Variants in RIT2 observed in about 807,000 individuals in gnomAD.
The protein encoded by RIT2 is Ras like without CAAX 2, also known as GTP-binding protein Rit2.
A neutral mutation model predicts 23.7 loss-of-function variants in RIT2; 24 were observed. The observed-to-expected ratio is 1.01, with a 90% CI of 0.73 to 1.43. The LOEUF (loss-of-function observed/expected upper bound fraction) is 1.43, where lower values mean the gene tolerates loss of function less well. Ranked by LOEUF, RIT2 falls within the 40% of genes most tolerant of loss-of-function variation. The probability of loss-of-function intolerance (pLI) is 0.00; values close to 1 mark genes in which losing one functional copy is unlikely to be tolerated. For synonymous variants in RIT2, 107 were observed against 91.1 expected (o/e 1.17, Z -0.99); for missense variants, 236 against 266.9 (o/e 0.88, Z 0.81).
At chr18:42,841,042 A>G (rs1906754255) in intron 4 of RIT2, among the ~76,000 whole-genome samples, 1 of 152,216 alleles carries the variant, frequency 6.6e-6, no homozygotes, top group African/African-American at 2.4e-5. Context: ...TAAGCTAGCG[A>G]GCAGGCAGAA....
In RIT2 at chr18:43,052,832, C is replaced by T. The variant is rs542324285; in HGVS notation, c.104-18965G>A. Among the ~76,000 whole-genome samples the T allele has an allele frequency of 2.0e-5, 3 of 152,144 alleles. No homozygotes were observed. In the South Asian group the frequency reaches 6.2e-4, roughly 32 times the overall value. On this transcript the variant is annotated intron_variant, in intron 1 of 4. Coordinates refer to ENST00000326695, the MANE Select transcript of RIT2 (RefSeq NM_002930.4). ...ACATAGGTCTGTGACTTCGAGTAGC[C>T]TATCAAAGCAAGTGCAGAGAAAGTG...
intron 4 of RIT2, among the ~76,000 whole-genome samples, chr18:42,764,841 TA>T (rs1253981336): frequency 6.6e-6 from 1 of 152,242 alleles, no homozygotes; most frequent in Admixed American, 6.5e-5. Context: ...CATAAATAAT[TA>T]AAACAAAAGT....
chr18:43,115,602 CTG>C lies in RIT2; in HGVS notation c.-85_-84del, dbSNP rs1914051401. 1 of 1,522,572 alleles carries C rather than the reference CTG, an allele frequency of 6.6e-7. No homozygotes were observed. The allele number at this position is 1,522,572 out of a possible 1,614,324, so 94.3% of individuals were successfully genotyped here. On this transcript the variant is annotated 5_prime_UTR_variant, in exon 1 of 5. Transcript: ENST00000326695. ...GCTCGAATATTAAGCAACTCTAAAACTGTGTCAAAGCAAAGGTTTTAGTACGA... is the reference window on the plus strand; with the variant it reads ...GCTCGAATATTAAGCAACTCTAAAACTGTCAAAGCAAAGGTTTTAGTACGA...
intron 1 of RIT2, among the ~76,000 whole-genome samples, chr18:43,061,850 T>C (rs946555960): frequency 1.3e-5 from 2 of 152,086 alleles, no homozygotes; most frequent in African/African-American, 4.8e-5. Flanking sequence ...TATTCCTCTT[T>C]GTTTCAGAAC....
intron 3 of RIT2, among the ~76,000 whole-genome samples, chr18:42,939,476 T>A (rs1181384831): frequency 6.6e-6 from 1 of 152,144 alleles, no homozygotes; most frequent in Non-Finnish European, 1.5e-5. Context: ...TTGCCCCTTT[T>A]AATCACCTTT....
chr18:42,753,458 C>A (rs1300560442), intron 4 of RIT2, among the ~76,000 whole-genome samples: 1 of 152,152 alleles, frequency 6.6e-6, no homozygotes, highest in Non-Finnish European at 1.5e-5. Context: ...GCTCTTCCAA[C>A]AGAAGCTTTG....
intron 1 of RIT2, among the ~76,000 whole-genome samples, chr18:43,088,273 A>T (rs1913333165): frequency 6.6e-6 from 1 of 152,194 alleles, no homozygotes; most frequent in South Asian, 2.1e-4. Context: ...CAGTTGCCCA[A>T]CATTTACAAA....
At chr18:42,895,616 C>T (rs113120102) in intron 4 of RIT2, among the ~76,000 whole-genome samples, 1,534 of 152,238 alleles carry the variant, frequency 0.01, 22 homozygotes, top group African/African-American at 0.034. Flanking sequence ...TGGATTCACC[C>T]GATTGAGGAC....
At chr18:43,015,780 A>C (rs191096307) in intron 2 of RIT2, among the ~76,000 whole-genome samples, 7 of 151,828 alleles carry the variant, frequency 4.6e-5, no homozygotes, top group Admixed American at 3.9e-4. Context: ...AAAAGAAAAG[A>C]ATGCTTCCCC....
At chr18:42,777,777 G>A (rs1166665898) in intron 4 of RIT2, among the ~76,000 whole-genome samples, 1 of 152,160 alleles carries the variant, frequency 6.6e-6, no homozygotes, top group East Asian at 1.9e-4. Flanking sequence ...GAAGAGGCTA[G>A]TTGTTTTCTC....
intron 4 of RIT2, among the ~76,000 whole-genome samples, chr18:42,864,323 C>T (rs1340936565): frequency 6.6e-6 from 1 of 152,106 alleles, no homozygotes; most frequent in East Asian, 1.9e-4. Flanking sequence ...TAATTGAAAA[C>T]AAAATTTTAT....
chr18:42,748,754 G>A (rs1199941831), intron 4 of RIT2, among the ~76,000 whole-genome samples: 3 of 151,908 alleles, frequency 2.0e-5, no homozygotes, highest in Non-Finnish European at 4.4e-5. Context: ...TGGATTTTGG[G>A]GACTCAGGGG....
intron 1 of RIT2, among the ~76,000 whole-genome samples, chr18:43,088,331 T>C (rs1913334562): frequency 6.6e-6 from 1 of 152,194 alleles, no homozygotes; most frequent in African/African-American, 2.4e-5. Flanking sequence ...TCTTTAATGT[T>C]CTAATATTTC....
chr18:42,917,306 T>C (rs1908935832), intron 4 of RIT2, among the ~76,000 whole-genome samples: 1 of 152,124 alleles, frequency 6.6e-6, no homozygotes, highest in South Asian at 2.1e-4. Context: ...TTACATTTCT[T>C]AAAAATGTCA....
intron 4 of RIT2, among the ~76,000 whole-genome samples, chr18:42,802,172 T>G (rs1212714889): frequency 6.6e-6 from 1 of 152,114 alleles, no homozygotes; most frequent in Admixed American, 6.5e-5. Flanking sequence ...GAATTTTAAT[T>G]AGGATTATAA....
chr18:42,788,642 C>G (rs1913974379), intron 4 of RIT2, among the ~76,000 whole-genome samples: 1 of 152,074 alleles, frequency 6.6e-6, no homozygotes. Context: ...TATTGGAAAC[C>G]TCTCCAGCTC....
intron 4 of RIT2, among the ~76,000 whole-genome samples, chr18:42,831,102 G>A (rs957014088): frequency 1.3e-5 from 2 of 152,170 alleles, no homozygotes; most frequent in African/African-American, 2.4e-5. Context: ...TGCCTGCTGA[G>A]TTGTATATTC....
intron 4 of RIT2, among the ~76,000 whole-genome samples, chr18:42,800,378 T>C (rs1598659127): frequency 6.6e-6 from 1 of 152,222 alleles, no homozygotes; most frequent in East Asian, 1.9e-4. Flanking sequence ...ATCTCTAGAT[T>C]TCTGTGGTAC....
chr18:42,820,705 G>A (rs1261833303), intron 4 of RIT2, among the ~76,000 whole-genome samples: 1 of 152,042 alleles, frequency 6.6e-6, no homozygotes, highest in East Asian at 1.9e-4. Flanking sequence ...ATCCTTTCAG[G>A]TCTGGAGATA....
Sources: gnomAD v4.1 joint callset for allele counts (sites outside exome capture counted in the v4.1 genomes callset) on GRCh38, gnomAD v4.1.1 for gene constraint, MANE v1.5 for transcripts, NCBI Gene and HGNC (gene_info 2026-07-23, HGNC 2026-07-21) for gene names.